DENND10: variants seen among roughly 807,000 people sequenced by gnomAD.
The protein encoded by DENND10 is DENN domain-containing protein 10.
In DENND10, 24 loss-of-function variants were observed where a neutral mutation model predicts 43.6. The ratio of observed to expected loss-of-function variants is 0.55; its 90% CI spans 0.40 to 0.77. The LOEUF is 0.77. DENND10 is among the 30% of genes least tolerant of loss of function. The pLI is 0.00. For missense variants in DENND10, 303 were observed against 429.9 expected, an observed-to-expected ratio of 0.70 and a Z score of 2.61; for synonymous variants, 125 against 157.6, an observed-to-expected ratio of 0.79 and a Z score of 1.55.
intron 4 of DENND10, among the ~76,000 whole-genome samples, chr10:119,117,950 G>A (rs547426989): frequency 6.6e-6 from 1 of 151,660 alleles, no homozygotes; most frequent in Non-Finnish European, 1.5e-5. Context: ...CTGGGCAACA[G>A]ACGAGACTCC....
intron 4 of DENND10, 128 bp downstream of exon 4, chr10:119,117,795 G>A (rs1276894769): frequency 1.3e-5 from 11 of 863,700 alleles, no homozygotes; most frequent in African/African-American, 3.4e-5. Flanking sequence ...GTGAAACCTC[G>A]TCTCCACTAA....
At chr10:119,116,187 G>A (rs554428067) in intron 3 of DENND10, among the ~76,000 whole-genome samples, 1 of 152,268 alleles carries the variant, frequency 6.6e-6, no homozygotes, top group East Asian at 1.9e-4. Context: ...TTGCTCACAG[G>A]AAGAGATTTC....
chr10:119,106,581 G>A (rs1428319633), intron 1 of DENND10, among the ~76,000 whole-genome samples: 2 of 152,080 alleles, frequency 1.3e-5, no homozygotes, highest in African/African-American at 2.4e-5. Flanking sequence ...GGCCTCAGGC[G>A]ATCCTCCTGG....
At position 119,132,477 on chromosome 10, in the gene DENND10, T is replaced by C. The variant is rs770664376; in HGVS notation, c.803-38T>C. The stretch of plus-strand genomic sequence containing the variant: ...AGATAGATGGCATGATTATTTTTTA[T>C]GTCGATTTCTAAATATTCACCTTCT... On this transcript the variant is annotated intron_variant, in intron 7 of 8. Coordinates refer to ENST00000361432, the MANE Select transcript of DENND10 (RefSeq NM_207009.4). This position sits in a 1 kb window ranked among gnomAD's most constrained non-coding sequence, Gnocchi z 4.2. The C allele has an allele frequency of 2.6e-6, 4 of 1,529,738 alleles. No individual in the cohort carries two copies. The highest frequency in any genetic ancestry group is 1.7e-5 in the Admixed American group (1 of 59,100). 94.8% of individuals were successfully genotyped at this position (1,529,738 alleles called of 1,614,324 possible). A position where few individuals can be genotyped will look rare whatever the true frequency, so the allele number is the denominator to read the frequency against.
rs761018876 is a variant in DENND10, at chr10:119,123,466, C to T, written c.594-3C>T. 1.2e-6 allele frequency: 2 copies of T among 1,612,748 alleles called. No individual in the cohort carries two copies. Among genetic ancestry groups the T allele is most frequent in the Admixed American group, 1.7e-5 (1 of 59,994 alleles). ...AACTTGAGTTCTTGCCTTGATTCCC[C>T]AGGACTCTGCCTGCCCTGGTGTGGC... On this transcript the variant is annotated splice_region_variant and splice_polypyrimidine_tract_variant and intron_variant, in intron 5 of 8. Coordinates refer to ENST00000361432, the MANE Select transcript of DENND10 (RefSeq NM_207009.4).
At chr10:119,134,921 T>C (rs12772354) in intron 8 of DENND10, 82,629 of 151,882 alleles carry the variant, frequency 0.54, 22,775 homozygotes, top group Middle Eastern at 0.66. Context: ...TCCCAGCACT[T>C]TGGGAGGCCG....
chr10:119,112,011 A>G, intron 3 of DENND10, 83 bp downstream of exon 3: 1 of 991,334 alleles, frequency 1.0e-6, no homozygotes, highest in South Asian at 1.3e-5. Flanking sequence ...ACACTGAGAA[A>G]GCAAAGTTCA....
chr10:119,115,577 G>T (rs1452217198), intron 3 of DENND10, among the ~76,000 whole-genome samples: 1 of 132,246 alleles, frequency 7.6e-6, no homozygotes, highest in African/African-American at 2.7e-5. Flanking sequence ...TTTTAGTAGA[G>T]ACGGGGTTTC....
intron 6 of DENND10, among the ~76,000 whole-genome samples, chr10:119,127,237 A>G (rs1207181694): frequency 6.6e-6 from 1 of 151,992 alleles, no homozygotes; most frequent in Non-Finnish European, 1.5e-5. Flanking sequence ...TTCCCAGTGA[A>G]GTTATTAATT....
Position 119,132,930 on chromosome 10 carries a change from T to G in DENND10, c.897+321T>G, listed in dbSNP as rs1420407023. On this transcript the variant is annotated intron_variant, in intron 8 of 8. Coordinates refer to ENST00000361432, the MANE Select transcript of DENND10 (RefSeq NM_207009.4). This position sits in a 1 kb window ranked among gnomAD's most constrained non-coding sequence, Gnocchi z 4.2. Reference sequence around the variant, plus strand: ...GTGCATTCTTTCTTCCTAGGAGAATTTCCCTGGAGGAACAAATTATAAAGG... The same window carrying G: ...GTGCATTCTTTCTTCCTAGGAGAATGTCCCTGGAGGAACAAATTATAAAGG... 9.7e-6 allele frequency: 3 copies of G among 310,796 alleles called. No individual in the cohort carries two copies. The highest frequency in any genetic ancestry group is 1.8e-5 in the Non-Finnish European group (3 of 166,016). The allele number at this position is 310,796 out of a possible 1,614,324, so 19.3% of individuals were successfully genotyped here. A position where few individuals can be genotyped will look rare whatever the true frequency, so the allele number is the denominator to read the frequency against.
At chr10:119,130,098 G>A (rs142974769) in intron 7 of DENND10, among the ~76,000 whole-genome samples, 6 of 150,940 alleles carry the variant, frequency 4.0e-5, no homozygotes, top group East Asian at 1.9e-4. Flanking sequence ...TATGCCTCCC[G>A]GGTTCAGGTG....
At position 119,123,693 on chromosome 10, in the gene DENND10, T is replaced by C. The variant is rs554022720; in HGVS notation, c.694+124T>C. 22 of 726,376 alleles carry C rather than the reference T, an allele frequency of 3.0e-5. No individual in the cohort carries two copies. The South Asian group carries it at 3.5e-4, about 12-fold the overall frequency. 45.0% of individuals were successfully genotyped at this position (726,376 alleles called of 1,614,324 possible). On this transcript the variant is annotated intron_variant, in intron 6 of 8. Transcript: ENST00000361432. ...GGCACGATCTTAGCTCACCGCAACG[T>C]CCGCCTTCAATTCTCCTGCCTTAGC... is the stretch of plus-strand genomic sequence containing the variant.
intron 3 of DENND10, among the ~76,000 whole-genome samples, chr10:119,116,586 G>A (rs1237521670): frequency 6.6e-6 from 1 of 152,048 alleles, no homozygotes; most frequent in Non-Finnish European, 1.5e-5. Context: ...TACAACAAGG[G>A]GCTCCCAGAT....
chr10:119,119,389 G>A (rs563958844), intron 4 of DENND10, among the ~76,000 whole-genome samples: 7 of 151,894 alleles, frequency 4.6e-5, no homozygotes, highest in African/African-American at 1.2e-4. Context: ...TTATCCACCC[G>A]CCTCGGCCTC....
chr10:119,131,005 ATGTAGGCGTTT>A (rs1846062032), intron 7 of DENND10, among the ~76,000 whole-genome samples: 1 of 152,262 alleles, frequency 6.6e-6, no homozygotes, highest in African/African-American at 2.4e-5. Context: ...ATCAAAAAAT[ATGTAGGCGTTT>A]ATCACTACAC....
intron 3 of DENND10, among the ~76,000 whole-genome samples, chr10:119,113,430 T>G (rs1044100079): frequency 1.3e-5 from 2 of 151,640 alleles, no homozygotes; most frequent in Non-Finnish European, 2.9e-5. Context: ...ACTCCTGGGG[T>G]CAAGTGATCC....
At chr10:119,113,924 A>G (rs1845111263) in intron 3 of DENND10, among the ~76,000 whole-genome samples, 1 of 152,226 alleles carries the variant, frequency 6.6e-6, no homozygotes, top group South Asian at 2.1e-4. Flanking sequence ...GACGCTATCC[A>G]GAAGCCATAA....
chr10:119,122,027 C>A (rs754104163), intron 5 of DENND10, among the ~76,000 whole-genome samples: 1 of 152,014 alleles, frequency 6.6e-6, no homozygotes, highest in Admixed American at 6.6e-5. Flanking sequence ...ATAATGTTGG[C>A]CGGGCATGGT....
rs1265587643 is a variant in DENND10, at chr10:119,108,039, C to G, written c.127C>G (p.Leu43Val). The change falls in exon 2 of 9, where the codon CTG becomes GTG. Residue 43 changes from leucine (L) to valine (V), a missense_variant. Leu to Val is a conservative substitution (Grantham distance 32, BLOSUM62 1). Transcript: ENST00000361432. The stretch of plus-strand genomic sequence containing the variant: ...CACGACAGCCACATTAAGGAACCTG[C>G]TGCTGAGAAAATGCTGCCTTACAGA... Reference protein sequence around the residue: ...PSTTATLRNLLLRKCCLTDEN... With the variant: ...PSTTATLRNLVLRKCCLTDEN... The G allele has an allele frequency of 1.2e-6, 2 of 1,612,808 alleles. No individual in the cohort carries two copies. The highest frequency in any genetic ancestry group is 2.7e-5 in the African/African-American group (2 of 75,000).
Sources: allele counts gnomAD v4.1 joint callset (sites outside exome capture counted in the v4.1 genomes callset), GRCh38; gene constraint gnomAD v4.1.1; non-coding constraint Gnocchi (gnomAD v3.1); transcripts MANE v1.5; gene names NCBI Gene and HGNC (gene_info 2026-07-23, HGNC 2026-07-21).